DLG2: variants seen among roughly 807,000 people sequenced by gnomAD.
DLG2 encodes the protein disks large homolog 2.
DLG2 carries 45 observed loss-of-function variants against 132.5 expected under a neutral mutation model. The observed-to-expected ratio is 0.34, with a 90% CI of 0.27 to 0.44. The LOEUF is 0.44. DLG2 is among the 20% of genes least tolerant of loss of function. The probability of loss-of-function intolerance (pLI) is 1.00; values close to 1 mark genes in which losing one functional copy is unlikely to be tolerated. For synonymous variants in DLG2, 424 were observed against 419.6 expected (o/e 1.01, Z -0.13); for missense variants, 1,045 against 1,196.9 (o/e 0.87, Z 1.87).
chr11:83,513,037 G>A (rs2095119086), intron 21 of DLG2, among the ~76,000 whole-genome samples: 1 of 152,184 alleles, frequency 6.6e-6, no homozygotes, highest in South Asian at 2.1e-4. Flanking sequence ...AATCCTTTGG[G>A]TATATACCCA....
At chr11:83,462,779 A>G (rs2090275103) in intron 26 of DLG2, among the ~76,000 whole-genome samples, 1 of 152,216 alleles carries the variant, frequency 6.6e-6, no homozygotes, top group African/African-American at 2.4e-5. Context: ...TTAAAATATG[A>G]CATATACTCC....
chr11:84,587,220 A>G (rs2099531920), intron 6 of DLG2, among the ~76,000 whole-genome samples: 1 of 152,142 alleles, frequency 6.6e-6, no homozygotes. Context: ...AAAATCCCAA[A>G]TTTATTTTCT....
At chr11:85,294,348 T>TA (rs56364347) in intron 3 of DLG2, among the ~76,000 whole-genome samples, 21,256 of 145,610 alleles carry the variant, frequency 0.15, 2,052 homozygotes, top group Non-Finnish European at 0.2. Flanking sequence ...GTAACATTTG[T>TA]AAAAAAAAAA....
At chr11:83,839,663 A>C (rs1163742860) in intron 16 of DLG2, among the ~76,000 whole-genome samples, 1 of 152,238 alleles carries the variant, frequency 6.6e-6, no homozygotes, top group Non-Finnish European at 1.5e-5. Flanking sequence ...TATTTAAAGT[A>C]TAGTAGTATA....
At chr11:83,788,233 C>T (rs1439746342) in intron 17 of DLG2, among the ~76,000 whole-genome samples, 3 of 152,208 alleles carry the variant, frequency 2.0e-5, no homozygotes, top group Non-Finnish European at 4.4e-5. Flanking sequence ...AGGCCTGGGA[C>T]ATCCATACGC....
chr11:85,498,020 A>T (rs922314157), intron 3 of DLG2, among the ~76,000 whole-genome samples: 6 of 152,204 alleles, frequency 3.9e-5, no homozygotes, highest in Non-Finnish European at 7.3e-5. Context: ...AACCACATCA[A>T]TTAACAGGCA....
At chr11:84,058,383 C>T (rs1161379803) in intron 11 of DLG2, among the ~76,000 whole-genome samples, 1 of 151,608 alleles carries the variant, frequency 6.6e-6, no homozygotes, top group East Asian at 1.9e-4. Flanking sequence ...GGGCCAGGTA[C>T]AGTGGCTCTC....
At chr11:84,019,479 C>T (rs773253820) in intron 11 of DLG2, among the ~76,000 whole-genome samples, 10 of 152,026 alleles carry the variant, frequency 6.6e-5, no homozygotes, top group Admixed American at 2.0e-4. Context: ...AGATACATAG[C>T]GAAAAGACGT....
chr11:85,504,503 A>G lies in DLG2; in HGVS notation c.40+94154T>C, dbSNP rs2093881259. ...CCCATTTCTTGTTTTTGTCAGGTTTATCAAATATCAGATGGTTGTAGATGT... is the reference window on the plus strand; with the variant it reads ...CCCATTTCTTGTTTTTGTCAGGTTTGTCAAATATCAGATGGTTGTAGATGT... On this transcript the variant is annotated intron_variant, in intron 3 of 27. Coordinates refer to ENST00000376104, the MANE Select transcript of DLG2 (RefSeq NM_001142699.3). Among the ~76,000 whole-genome samples, 4 of 152,184 alleles carry G rather than the reference A, an allele frequency of 2.6e-5. No individual in the cohort carries two copies. The South Asian group carries it at 8.3e-4, about 32-fold the overall frequency.
chr11:83,634,947 A>G (rs762882271), intron 18 of DLG2, among the ~76,000 whole-genome samples: 5 of 152,230 alleles, frequency 3.3e-5, no homozygotes, highest in Non-Finnish European at 7.3e-5. Flanking sequence ...CTTTGAATAA[A>G]TAAGTCCTAA....
chr11:85,234,870 T>C (rs566774727), intron 4 of DLG2, among the ~76,000 whole-genome samples: 1 of 152,028 alleles, frequency 6.6e-6, no homozygotes, highest in Non-Finnish European at 1.5e-5. Flanking sequence ...ATTTGTATAG[T>C]GTCTTTTCAT....
chr11:85,587,551 G>T (rs1222687069), intron 3 of DLG2, among the ~76,000 whole-genome samples: 1 of 152,018 alleles, frequency 6.6e-6, no homozygotes, highest in Non-Finnish European at 1.5e-5. Flanking sequence ...TTTTCATGGG[G>T]TATCTTTTTC....
chr11:83,568,640 A>C (rs543594557), intron 19 of DLG2, among the ~76,000 whole-genome samples: 1 of 152,292 alleles, frequency 6.6e-6, no homozygotes, highest in South Asian at 2.1e-4. Context: ...GGGCAGACAC[A>C]TGAAGACAAC....
At chr11:84,900,630 T>C (rs2090768240) in intron 6 of DLG2, among the ~76,000 whole-genome samples, 1 of 152,028 alleles carries the variant, frequency 6.6e-6, no homozygotes, top group African/African-American at 2.4e-5. Flanking sequence ...AGTACTACAT[T>C]TGGTGGTTAT....
intron 18 of DLG2, among the ~76,000 whole-genome samples, chr11:83,675,023 T>C (rs1266312124): frequency 1.3e-5 from 2 of 152,212 alleles, no homozygotes; most frequent in Admixed American, 6.5e-5. Flanking sequence ...TGATAGAAAG[T>C]AAATAACAGT....
intron 18 of DLG2, among the ~76,000 whole-genome samples, chr11:83,733,839 A>T (rs1394505240): frequency 2.0e-5 from 3 of 152,152 alleles, no homozygotes; most frequent in African/African-American, 7.2e-5. Context: ...TGAAGTGGAG[A>T]AGTCTGGGCT....
intron 6 of DLG2, among the ~76,000 whole-genome samples, chr11:84,882,117 A>G (rs185027773): frequency 6.6e-6 from 1 of 152,242 alleles, no homozygotes; most frequent in Admixed American, 6.6e-5. Flanking sequence ...TGAAATTACT[A>G]CTACTCTAAA....
intron 7 of DLG2, among the ~76,000 whole-genome samples, chr11:84,519,256 G>A (rs915409531): frequency 1.3e-5 from 2 of 152,112 alleles, no homozygotes; most frequent in Non-Finnish European, 2.9e-5. Context: ...TTTCTATGAA[G>A]AGTCTAGCCA....
chr11:84,735,641 T>G (rs1388742859), intron 6 of DLG2, among the ~76,000 whole-genome samples: 5 of 152,158 alleles, frequency 3.3e-5, no homozygotes, highest in Non-Finnish European at 5.9e-5. Flanking sequence ...ACTCCTTCAG[T>G]TCTGCTCTGA....
Sources: allele counts gnomAD v4.1 joint callset (sites outside exome capture counted in the v4.1 genomes callset), GRCh38; gene constraint gnomAD v4.1.1; transcripts MANE v1.5; gene names NCBI Gene and HGNC (gene_info 2026-07-23, HGNC 2026-07-21).